SNTG1: variants seen among roughly 807,000 people sequenced by gnomAD.
The protein encoded by SNTG1 is syntrophin gamma 1.
A neutral mutation model predicts 74.7 loss-of-function variants in SNTG1; 39 were observed. That is an observed-to-expected ratio of 0.52 (90% CI 0.40 to 0.68). SNTG1 has a LOEUF of 0.68. Ranked by LOEUF, SNTG1 falls within the 30% of genes least tolerant of loss-of-function variation. The pLI, the probability that SNTG1 is intolerant of heterozygous loss-of-function variation, is 0.00. For synonymous variants in SNTG1, 254 were observed against 217.1 expected (o/e 1.17, Z -1.49); for missense variants, 685 against 609.5 (o/e 1.12, Z -1.30).
In SNTG1 at chr8:50,167,074, C is replaced by T. The variant is rs538711056; in HGVS notation, c.-102-5487C>T. Among the ~76,000 whole-genome samples the T allele has an allele frequency of 9.8e-3, 1,261 of 129,106 alleles. 11 individuals carry two copies. The highest frequency in any genetic ancestry group is 0.061 in the Middle Eastern group (13 of 214). The allele number at this position is 129,106 out of a possible 152,430, so 84.7% of individuals were successfully genotyped here. A position where few individuals can be genotyped will look rare whatever the true frequency, so the allele number is the denominator to read the frequency against. ...ACTCATAGGTGGGAATTGAACAATG[C>T]GATCACATGGACACAGGAAGGGGAA... is the stretch of plus-strand genomic sequence containing the variant. On this transcript the variant is annotated intron_variant, in intron 1 of 18. Transcript: ENST00000642720.
At chr8:50,587,830 TTTAGCGGC>T (rs2094662147) in intron 12 of SNTG1, among the ~76,000 whole-genome samples, 1 of 139,138 alleles carries the variant, frequency 7.2e-6, no homozygotes, top group Non-Finnish European at 1.5e-5. Flanking sequence ...GAAAAAAAAA[TTTAGCGGC>T]TCATGGCTCA....
At chr8:49,966,421 G>C (rs972294124) in intron 1 of SNTG1, among the ~76,000 whole-genome samples, 2 of 149,066 alleles carry the variant, frequency 1.3e-5, no homozygotes, top group Non-Finnish European at 3.0e-5. Flanking sequence ...TTTTGACAGA[G>C]TCTCGGTCTG....
intron 1 of SNTG1, among the ~76,000 whole-genome samples, chr8:50,126,039 G>A (rs2131374978): frequency 6.6e-6 from 1 of 152,250 alleles, no homozygotes; most frequent in East Asian, 1.9e-4. Context: ...TGAACTTTAT[G>A]CATGAGTACA....
intron 15 of SNTG1, among the ~76,000 whole-genome samples, chr8:50,677,895 T>C (rs147571150): frequency 5.9e-5 from 9 of 151,924 alleles, no homozygotes; most frequent in African/African-American, 2.2e-4. Flanking sequence ...CTGTCATGCA[T>C]TATTTTATTA....
chr8:50,386,943 C>T (rs1587424209), intron 2 of SNTG1, among the ~76,000 whole-genome samples: 1 of 152,148 alleles, frequency 6.6e-6, no homozygotes, highest in South Asian at 2.1e-4. Context: ...CATTTCAATT[C>T]TGGGAACTGA....
At chr8:50,734,724 TATATCTATATATATGGACATGTATATAG>T (rs781033705) in intron 17 of SNTG1, among the ~76,000 whole-genome samples, 22,240 of 130,034 alleles carry the variant, frequency 0.17, 5,466 homozygotes, top group African/African-American at 0.24. Context: ...ATGGACATTA[TATATCTATATATATGGACATGTATATAG>T]ATATCTATAT....
chr8:50,531,983 C>G (rs776193384), intron 10 of SNTG1, among the ~76,000 whole-genome samples: 1 of 152,128 alleles, frequency 6.6e-6, no homozygotes, highest in African/African-American at 2.4e-5. Flanking sequence ...TAATGTCCTT[C>G]CTTATAAAAC....
intron 15 of SNTG1, among the ~76,000 whole-genome samples, chr8:50,670,352 T>C (rs1435948572): frequency 6.6e-6 from 1 of 152,016 alleles, no homozygotes; most frequent in Non-Finnish European, 1.5e-5. Context: ...AGTCTCAGGA[T>C]ACAAAATCAA....
At position 50,214,065 on chromosome 8, in the gene SNTG1, C is replaced by A. The variant is rs547022191; in HGVS notation, c.-28+41430C>A. Among the ~76,000 whole-genome samples the A allele has an allele frequency of 1.8e-4, 27 of 151,764 alleles. No individual in the cohort carries two copies. The East Asian group carries it at 5.1e-3, about 28-fold the overall frequency. ...TTCTAGGGTTTTTATGGTTTAAGGT[C>A]TAATTTGCAGCCATAAAAAATGATG... is the stretch of plus-strand genomic sequence containing the variant. On this transcript the variant is annotated intron_variant, in intron 2 of 18. Coordinates refer to ENST00000642720, the MANE Select transcript of SNTG1 (RefSeq NM_018967.5).
chr8:50,745,009 T>C (rs138858102), intron 17 of SNTG1, among the ~76,000 whole-genome samples: 55 of 152,084 alleles, frequency 3.6e-4, no homozygotes, highest in African/African-American at 1.2e-3. Flanking sequence ...TTCTTTGCTA[T>C]GACGCCGAAA....
chr8:50,511,030 C>T (rs1467032798), intron 9 of SNTG1, among the ~76,000 whole-genome samples: 1 of 152,128 alleles, frequency 6.6e-6, no homozygotes, highest in Non-Finnish European at 1.5e-5. Flanking sequence ...TTAGAACTTT[C>T]CTGCTTTCTC....
chr8:50,606,385 A>T (rs1163881168), intron 13 of SNTG1, among the ~76,000 whole-genome samples: 1 of 152,064 alleles, frequency 6.6e-6, no homozygotes, highest in Non-Finnish European at 1.5e-5. Flanking sequence ...ACTTTATCAG[A>T]TTTATTCCTA....
rs1587384919 is a variant in SNTG1 at position 50,377,555 on chromosome 8, G to A, written c.-27-16657G>A. ...TTTCAGAATTTTTTCTCCTCTAAGTGAAGAATCAATGGTTGAAAAGACTTT... is the reference window on the plus strand; with the variant it reads ...TTTCAGAATTTTTTCTCCTCTAAGTAAAGAATCAATGGTTGAAAAGACTTT... On this transcript the variant is annotated intron_variant, in intron 2 of 18. Coordinates refer to ENST00000642720, the MANE Select transcript of SNTG1 (RefSeq NM_018967.5). 2.0e-5 allele frequency among the ~76,000 whole-genome samples: 3 copies of A among 152,066 alleles called. No homozygotes were observed. The South Asian group carries it at 6.2e-4, about 32-fold the overall frequency.
chr8:50,730,560 G>A (rs1457769719), intron 17 of SNTG1, among the ~76,000 whole-genome samples: 1 of 152,154 alleles, frequency 6.6e-6, no homozygotes, highest in Non-Finnish European at 1.5e-5. Flanking sequence ...GTGTTTTGCA[G>A]ACGTGATATA....
rs1290006005 is a variant in SNTG1, at chr8:50,017,869, T to TA, written c.-103+105644dup. On this transcript the variant is annotated intron_variant, in intron 1 of 18. Coordinates refer to ENST00000642720, the MANE Select transcript of SNTG1 (RefSeq NM_018967.5). ...ATGGATAAAACATCTACGCAGAAGA[T>TA]AAAAAAGAAAACAGAAGACTTGAAC... Among the ~76,000 whole-genome samples the TA allele has an allele frequency of 7.2e-5, 11 of 151,854 alleles. 1 individual carries two copies. The highest frequency in any genetic ancestry group is 2.4e-4 in the African/African-American group (10 of 41,446).
intron 13 of SNTG1, among the ~76,000 whole-genome samples, chr8:50,630,318 T>C (rs1018388748): frequency 2.6e-5 from 4 of 152,190 alleles, no homozygotes; most frequent in Admixed American, 2.6e-4. Context: ...TTAAGGTTTT[T>C]AAGAAAATAG....
intron 1 of SNTG1, among the ~76,000 whole-genome samples, chr8:49,937,073 C>T (rs150803042): frequency 2.4e-4 from 36 of 152,242 alleles, no homozygotes; most frequent in African/African-American, 7.5e-4. Flanking sequence ...CGCTTGAACC[C>T]GGGAGGCGGA....
At chr8:49,975,510 G>C (rs796479183) in intron 1 of SNTG1, among the ~76,000 whole-genome samples, 5 of 152,272 alleles carry the variant, frequency 3.3e-5, no homozygotes, top group African/African-American at 1.2e-4. Flanking sequence ...AAATTGACAT[G>C]CAGTCTCCAC....
At chr8:50,090,879 G>A (rs1194998632) in intron 1 of SNTG1, among the ~76,000 whole-genome samples, 1 of 152,052 alleles carries the variant, frequency 6.6e-6, no homozygotes, top group Non-Finnish European at 1.5e-5. Context: ...TGAAAAGATA[G>A]CTTTTCTGAA....
Sources: allele counts gnomAD v4.1 joint callset (sites outside exome capture counted in the v4.1 genomes callset), GRCh38; gene constraint gnomAD v4.1.1; transcripts MANE v1.5; gene names NCBI Gene and HGNC (gene_info 2026-07-23, HGNC 2026-07-21).